MYOM2: variants seen among roughly 807,000 people sequenced by gnomAD.
MYOM2 encodes the protein myomesin-2.
In MYOM2, 254 loss-of-function variants were observed where a neutral mutation model predicts 187.6. That is an observed-to-expected ratio of 1.35 (90% confidence interval 1.22 to 1.50). MYOM2 has a LOEUF of 1.50. Ranked by LOEUF, MYOM2 falls within the 40% of genes most tolerant of loss-of-function variation. MYOM2 has a pLI of 0.00. For missense variants in MYOM2, 2,796 were observed against 1,924.0 expected, an observed-to-expected ratio of 1.45 and a Z score of -8.48; for synonymous variants, 981 against 753.8, an observed-to-expected ratio of 1.30 and a Z score of -4.94.
intron 32 of MYOM2, among the ~76,000 whole-genome samples, chr8:2,132,754 G>T (rs4363227): frequency 6.6e-6 from 1 of 152,012 alleles, no homozygotes; most frequent in African/African-American, 2.4e-5. Context: ...AGAAGTGCAT[G>T]CTTCAAACTC....
chr8:2,108,288 CTT>C (rs35483575), intron 23 of MYOM2, among the ~76,000 whole-genome samples: 39 of 144,076 alleles, frequency 2.7e-4, no homozygotes, highest in East Asian at 1.2e-3. Context: ...TTCTTCTTTC[CTT>C]TTTTTTTTTT....
chr8:2,079,490 G>A, intron 12 of MYOM2, 70 bp from the exon 13 acceptor site: 1 of 1,482,990 alleles, frequency 6.7e-7, no homozygotes, highest in Non-Finnish European at 9.4e-7. Context: ...AGCTGGCACA[G>A]AATGAGGGAA....
chr8:2,065,501 C>T (rs564834266), intron 6 of MYOM2, among the ~76,000 whole-genome samples: 97 of 152,210 alleles, frequency 6.4e-4, no homozygotes, highest in Middle Eastern at 3.4e-3. Flanking sequence ...ACCTGGGAAG[C>T]GGAGGTTTCA....
intron 23 of MYOM2, 31 bp from the exon 24 acceptor site, chr8:2,108,755 G>C: frequency 1.9e-6 from 3 of 1,613,240 alleles, no homozygotes; most frequent in Non-Finnish European, 1.7e-6. Context: ...TGCAGGTCCA[G>C]ATGAATTGAA....
chr8:2,064,379 C>T (rs897475269), intron 6 of MYOM2, among the ~76,000 whole-genome samples: 2 of 152,200 alleles, frequency 1.3e-5, no homozygotes, highest in East Asian at 1.9e-4. Flanking sequence ...CTAACTTACC[C>T]GTGCCCACCG....
intron 13 of MYOM2, chr8:2,084,998 A>C: frequency 4.6e-6 from 2 of 430,914 alleles, no homozygotes; most frequent in East Asian, 4.0e-5. Context: ...CCCTCTTCCA[A>C]CAGAATCTCT....
intron 14 of MYOM2, 67 bp downstream of exon 14, chr8:2,085,457 C>CCCCCCACTGTTGTGATCTCTGT (rs1819790778): frequency 1.1e-6 from 1 of 919,428 alleles, no homozygotes; most frequent in African/African-American, 3.2e-5. Flanking sequence ...ATGATCTCTG[C>CCCCCCACTGTTGTGATCTCTGT]GTGGCCCACC....
At chr8:2,074,664 A>C (rs1332911044) in intron 10 of MYOM2, among the ~76,000 whole-genome samples, 1 of 152,112 alleles carries the variant, frequency 6.6e-6, no homozygotes, top group Non-Finnish European at 1.5e-5. Flanking sequence ...CATGTTGGCC[A>C]GGCTGGTCTC....
In MYOM2 at chr8:2,056,486, C is replaced by G. The variant is rs544104921; in HGVS notation, c.264-862C>G. On this transcript the variant is annotated intron_variant, in intron 3 of 36. Transcript: ENST00000262113. Reference sequence around the variant, plus strand: ...GTTGGGGTGCGATTTGTGGGGTTCACAAAATGGCATGTGAGCCGCGACGAT... The same window carrying G: ...GTTGGGGTGCGATTTGTGGGGTTCAGAAAATGGCATGTGAGCCGCGACGAT... Among the ~76,000 whole-genome samples the G allele has an allele frequency of 2.6e-5, 4 of 152,078 alleles. No homozygotes were observed. In the South Asian group the frequency reaches 8.3e-4, roughly 32 times the overall value.
intron 31 of MYOM2, chr8:2,127,650 A>C (rs1797699192): frequency 6.5e-6 from 1 of 153,424 alleles, no homozygotes; most frequent in Non-Finnish European, 1.4e-5. Context: ...AGCCGCAGGC[A>C]GGCAGTACCT....
At chr8:2,117,856 T>C (rs1223641573) in intron 27 of MYOM2, 29 bp from the exon 28 acceptor site, 3 of 1,571,700 alleles carry the variant, frequency 1.9e-6, no homozygotes, top group Non-Finnish European at 2.6e-6. Context: ...TCCTTTTTTA[T>C]ATGTTTTCTT....
At chr8:2,120,172 G>A (rs1311028010) in intron 28 of MYOM2, among the ~76,000 whole-genome samples, 1 of 152,158 alleles carries the variant, frequency 6.6e-6, no homozygotes, top group Non-Finnish European at 1.5e-5. Flanking sequence ...GACCTAGTGT[G>A]AGTCAGGGGA....
rs933143605 is a variant in MYOM2, at chr8:2,117,964, G to A, written c.3453+12G>A. The A allele has an allele frequency of 8.7e-6, 14 of 1,609,274 alleles. No homozygotes were observed. The highest frequency in any genetic ancestry group is 4.4e-5 in the South Asian group (4 of 90,650). ...GACTTGTTTGCAAGGTGAGAAACCC[G>A]GTTCTAACAGGAAAACAATAAATCT... is the stretch of plus-strand genomic sequence containing the variant. On this transcript the variant is annotated intron_variant, in intron 28 of 36. Coordinates refer to ENST00000262113, the MANE Select transcript of MYOM2 (RefSeq NM_003970.4).
At chr8:2,088,985 C>T (rs1796192939) in intron 14 of MYOM2, among the ~76,000 whole-genome samples, 1 of 152,028 alleles carries the variant, frequency 6.6e-6, no homozygotes, top group African/African-American at 2.4e-5. Context: ...GCCTGAGGCC[C>T]ATGACGCCCT....
chr8:2,140,578 A>G (rs1798239077), intron 32 of MYOM2, 145 bp from the exon 33 acceptor site: 1 of 726,948 alleles, frequency 1.4e-6, no homozygotes, highest in African/African-American at 1.8e-5. Context: ...TGGTCAATAC[A>G]TTCGTAACAG....
intron 11 of MYOM2, 75 bp downstream of exon 11, chr8:2,076,357 T>C (rs3817699): frequency 0.43 from 665,482 of 1,535,484 alleles, 148,387 homozygotes; most frequent in South Asian, 0.55. Flanking sequence ...ATTGAGAAAT[T>C]TTTCTCAATG....
intron 19 of MYOM2, 57 bp downstream of exon 19, chr8:2,099,040 G>A (rs1464419855): frequency 2.0e-6 from 3 of 1,528,542 alleles, no homozygotes; most frequent in Non-Finnish European, 2.7e-6. Context: ...CTGGGAAGGG[G>A]CCTCTGTGGC....
intron 32 of MYOM2, among the ~76,000 whole-genome samples, chr8:2,134,362 G>C (rs946643670): frequency 1.3e-5 from 2 of 152,174 alleles, no homozygotes; most frequent in African/African-American, 4.8e-5. Context: ...TGGTGACTCC[G>C]TTTTAGCTGG....
At position 2,101,692 on chromosome 8, in the gene MYOM2, C is replaced by G. The variant is rs180863890; in HGVS notation, c.2619+638C>G. Reference sequence around the variant, plus strand: ...TAGCTGTTAATTGTCTGTTCATGGGCTATGTCTGTGTGCTTTCCAAAGGGA... The same window carrying G: ...TAGCTGTTAATTGTCTGTTCATGGGGTATGTCTGTGTGCTTTCCAAAGGGA... On this transcript the variant is annotated intron_variant, in intron 20 of 36. Coordinates refer to ENST00000262113, the MANE Select transcript of MYOM2 (RefSeq NM_003970.4). Among the ~76,000 whole-genome samples the G allele has an allele frequency of 1.6e-4, 24 of 152,208 alleles. No homozygotes were observed. In the East Asian group the frequency reaches 2.5e-3, roughly 16 times the overall value.
Sources: allele counts gnomAD v4.1 joint callset (sites outside exome capture counted in the v4.1 genomes callset), GRCh38; gene constraint gnomAD v4.1.1; transcripts MANE v1.5; gene names NCBI Gene and HGNC (gene_info 2026-07-23, HGNC 2026-07-21).